PRH1: variants seen among roughly 807,000 people sequenced by gnomAD.
PRH1 encodes the protein proline rich protein HaeIII subfamily 1.
In PRH1, 7 loss-of-function variants were observed where a neutral mutation model predicts 7.9. That is an observed-to-expected ratio of 0.89 (90% CI 0.50 to 1.67). The LOEUF (loss-of-function observed/expected upper bound fraction) is 1.67, where lower values mean the gene tolerates loss of function less well. Ranked by LOEUF, PRH1 falls within the 40% of genes most tolerant of loss-of-function variation. The probability of loss-of-function intolerance (pLI) is 0.00; values close to 1 mark genes in which losing one functional copy is unlikely to be tolerated. For missense variants in PRH1, 109 were observed against 223.6 expected, an observed-to-expected ratio of 0.49 and a Z score of 3.27; for synonymous variants, 45 against 80.8, an observed-to-expected ratio of 0.56 and a Z score of 2.38.
chr12:11,042,650 G>A (rs1266420030), intron 1 of PRH1, among the ~76,000 whole-genome samples: 1 of 68,278 alleles, frequency 1.5e-5, no homozygotes, highest in African/African-American at 6.0e-5. Context: ...TTTTTTTTGA[G>A]GCAGAGTCTC....
At position 11,030,263 on chromosome 12, in the gene PRH1, A is replaced by G. The variant is rs994238524; in HGVS notation, c.-126+16757T>C. 18 of 1,012,604 alleles carry G rather than the reference A, an allele frequency of 1.8e-5. No homozygotes were observed. In the African/African-American group the frequency reaches 3.3e-4, roughly 18 times the overall value. The allele number at this position is 1,012,604 out of a possible 1,614,324, so 62.7% of individuals were successfully genotyped here. A position where few individuals can be genotyped will look rare whatever the true frequency, so the allele number is the denominator to read the frequency against. On this transcript the variant is annotated intron_variant, in intron 1 of 3. Transcript: ENST00000539853. ...TATATATTTTTTTTTCTAGACTAAT[A>G]TTAGGTCAAAGGCTTTTCTAGGTAT... is the stretch of plus-strand genomic sequence containing the variant.
At chr12:11,156,107 CT>C (rs903848912) in intron 1 of PRH1, among the ~76,000 whole-genome samples, 4 of 152,046 alleles carry the variant, frequency 2.6e-5, no homozygotes, top group Non-Finnish European at 5.9e-5. Flanking sequence ...TTTTCAGTAA[CT>C]TTTTTCTATC....
chr12:10,995,642 T>C (rs1002903644), intron 1 of PRH1, among the ~76,000 whole-genome samples: 24 of 152,112 alleles, frequency 1.6e-4, no homozygotes, highest in Admixed American at 6.5e-5. Flanking sequence ...TAAGGAAAAT[T>C]TGAGCTTTTT....
intron 1 of PRH1, among the ~76,000 whole-genome samples, chr12:10,993,828 A>G (rs183589605): frequency 6.6e-6 from 1 of 152,344 alleles, no homozygotes; most frequent in East Asian, 1.9e-4. Flanking sequence ...GCATGCATGC[A>G]TAGTGGGCAT....
downstream of PRH1, among the ~76,000 whole-genome samples, chr12:11,116,103 C>A (rs185405763): frequency 5.1e-4 from 77 of 151,686 alleles, no homozygotes; most frequent in African/African-American, 1.7e-3. Context: ...ATCAATGAAA[C>A]AAAAACCTGT....
chr12:10,948,183 T>C (rs1287677550), intron 2 of PRH1, among the ~76,000 whole-genome samples: 1 of 152,250 alleles, frequency 6.6e-6, no homozygotes, highest in African/African-American at 2.4e-5. Flanking sequence ...TCTAGCAAGG[T>C]TGGGAAAGAG....
chr12:11,068,952 A>T (rs1475668869), intron 1 of PRH1, among the ~76,000 whole-genome samples: 11 of 145,006 alleles, frequency 7.6e-5, no homozygotes, highest in Non-Finnish European at 1.4e-4. Flanking sequence ...CTGTAGCCCC[A>T]ACTGGAGTGC....
chr12:10,933,946 C>G (rs117307622), intron 2 of PRH1, among the ~76,000 whole-genome samples: 2,291 of 151,952 alleles, frequency 0.015, 21 homozygotes, highest in South Asian at 0.031. Flanking sequence ...CAGAAAATAA[C>G]AAGAGATTCT....
chr12:11,161,624 T>C (rs771011660), intron 1 of PRH1, among the ~76,000 whole-genome samples: 4 of 151,866 alleles, frequency 2.6e-5, no homozygotes, highest in African/African-American at 4.8e-5. Flanking sequence ...GGTTTGCAAA[T>C]AAGAATTAAG....
At chr12:11,114,873 T>C (rs951458547) in intron 1 of PRH1, among the ~76,000 whole-genome samples, 3 of 151,778 alleles carry the variant, frequency 2.0e-5, no homozygotes, top group African/African-American at 7.3e-5. Flanking sequence ...CTCATGGTAA[T>C]CTCAAACCAA....
chr12:10,940,705 A>T (rs1230256108), intron 2 of PRH1, among the ~76,000 whole-genome samples: 1 of 152,234 alleles, frequency 6.6e-6, no homozygotes, highest in Non-Finnish European at 1.5e-5. Flanking sequence ...GCAGCATGAT[A>T]CAGTCATTCT....
intron 1 of PRH1, among the ~76,000 whole-genome samples, chr12:11,070,057 A>G (rs1182974876): frequency 6.6e-6 from 1 of 152,154 alleles, no homozygotes; most frequent in Non-Finnish European, 1.5e-5. Flanking sequence ...GGGGCAGAAG[A>G]GGGCTCCCAC....
At position 11,016,243 on chromosome 12, in the gene PRH1, TAA is replaced by T. The variant is rs745465854; in HGVS notation, c.-126+30775_-126+30776del. Among the ~76,000 whole-genome samples the T allele has an allele frequency of 3.3e-5, 5 of 151,806 alleles. No homozygotes were observed. The East Asian group carries it at 9.6e-4, about 29-fold the overall frequency. ...TTGCTCAGTATCCCTCCTTACCTTA[TAA>T]AAGTGTCTGCTTTCTGCTCCAAAGG... is the stretch of plus-strand genomic sequence containing the variant. On this transcript the variant is annotated intron_variant, in intron 1 of 3. Transcript: ENST00000539853.
intron 1 of PRH1, among the ~76,000 whole-genome samples, chr12:11,122,361 C>G (rs769365146): frequency 2.6e-5 from 4 of 152,214 alleles, no homozygotes; most frequent in Non-Finnish European, 5.9e-5. Flanking sequence ...AGCCATCCAT[C>G]AAACCCAGCT....
Position 10,939,087 on chromosome 12 carries a change from T to A in PRH1, c.-59+34568A>T, listed in dbSNP as rs376693738. On this transcript the variant is annotated intron_variant, in intron 2 of 3. Coordinates refer to the PRH1 transcript ENST00000539853. ...GTGAGGATCCGATCAACCGAAGAGA[T>A]CTTTCTTCCCTTGACCCAGTCAATA... 5.3e-5 allele frequency: 85 copies of A among 1,613,824 alleles called. No individual in the cohort carries two copies. The highest frequency in any genetic ancestry group is 6.8e-5 in the Non-Finnish European group (80 of 1,179,962).
intron 1 of PRH1, chr12:11,022,201 C>A (rs772046457): frequency 6.2e-7 from 1 of 1,613,996 alleles, no homozygotes; most frequent in East Asian, 2.2e-5. Context: ...ACTCTTAATT[C>A]TCTTCTTTAG....
chr12:10,984,076 GTAAC>G (rs931025761), intron 1 of PRH1, among the ~76,000 whole-genome samples: 10 of 137,934 alleles, frequency 7.2e-5, no homozygotes, highest in Non-Finnish European at 8.0e-5. Flanking sequence ...AAGGTAGTTG[GTAAC>G]TAACTCAGTT....
chr12:11,097,846 T>C (rs1226796720), intron 1 of PRH1, among the ~76,000 whole-genome samples: 2 of 112,048 alleles, frequency 1.8e-5, no homozygotes, highest in African/African-American at 5.9e-5. Context: ...GAGAACACTA[T>C]TATTCTTCCT....
chr12:11,167,326 T>C (rs988199048), intron 1 of PRH1, among the ~76,000 whole-genome samples: 1 of 152,158 alleles, frequency 6.6e-6, no homozygotes, highest in African/African-American at 2.4e-5. Context: ...CACTCAACCT[T>C]TGTAAGAATT....
Sources: allele counts gnomAD v4.1 joint callset (sites outside exome capture counted in the v4.1 genomes callset), GRCh38; gene constraint gnomAD v4.1.1; transcripts MANE v1.5; gene names NCBI Gene and HGNC (gene_info 2026-07-23, HGNC 2026-07-21).